The following TMEM267 variants were observed in gnomAD, a reference collection of about 807,000 sequenced individuals.
The protein encoded by TMEM267 is transmembrane protein 267, also known as transmembrane protein C5orf28.
TMEM267 carries 20 observed loss-of-function variants against 19.3 expected under a neutral mutation model. The observed-to-expected ratio is 1.04, with a 90% confidence interval of 0.73 to 1.51. The LOEUF (loss-of-function observed/expected upper bound fraction) is 1.51, where lower values mean the gene tolerates loss of function less well. Among genes scored for constraint, TMEM267 ranks in the 40% most tolerant of loss-of-function variants. TMEM267 has a pLI of 0.00. For missense variants in TMEM267, 242 were observed against 261.9 expected (o/e 0.92, Z 0.52); for synonymous variants, 88 against 90.3 (o/e 0.97, Z 0.15).
Position 43,453,866 on chromosome 5 carries a change from C to T in TMEM267, c.104G>A (p.Arg35Lys), listed in dbSNP as rs764652340. 6.2e-7 allele frequency: 1 copy of T among 1,613,938 alleles called. No individual in the cohort carries two copies. Among genetic ancestry groups the T allele is most frequent in the Non-Finnish European group, 8.5e-7 (1 of 1,179,994 alleles). ...GLGAFCLVADRLLQFSTIQQN... is the reference protein window; with the variant it reads ...GLGAFCLVADKLLQFSTIQQN... The stretch of plus-strand genomic sequence containing the variant: ...CTGAATTGTGGAAAACTGAAGAAGT[C>T]TGTCAGCTACGAGGCAAAATGCCCC... The change falls in exon 2 of 3, where the codon AGA becomes AAA. Residue 35 changes from arginine to lysine, a missense_variant. Arg to Lys is a conservative substitution (Grantham distance 26). Coordinates refer to ENST00000397080, the MANE Select transcript of TMEM267 (RefSeq NM_022483.5).
chr5:43,457,389 T>A (rs1003662507), intron 1 of TMEM267, among the ~76,000 whole-genome samples: 1 of 152,168 alleles, frequency 6.6e-6, no homozygotes, highest in Admixed American at 6.5e-5. Context: ...AACTGGGTAA[T>A]TTACAATGAA....
intron 1 of TMEM267, among the ~76,000 whole-genome samples, chr5:43,463,852 G>A (rs935328571): frequency 7.9e-5 from 12 of 152,058 alleles, no homozygotes; most frequent in South Asian, 2.1e-4. Context: ...AATATCATAC[G>A]GAATGGGCAA....
chr5:43,461,830 T>C (rs1743283433), intron 1 of TMEM267, among the ~76,000 whole-genome samples: 1 of 152,122 alleles, frequency 6.6e-6, no homozygotes, highest in Admixed American at 6.5e-5. Context: ...TCCCAGATGG[T>C]ACCTCTAGAC....
chr5:43,458,665 A>C (rs1167423825), intron 1 of TMEM267, among the ~76,000 whole-genome samples: 5 of 152,346 alleles, frequency 3.3e-5, no homozygotes, highest in Non-Finnish European at 7.3e-5. Flanking sequence ...ATATACAGTT[A>C]ATTACATGTC....
chr5:43,453,633 GA>G, intron 2 of TMEM267, 24 bp downstream of exon 2: 1 of 1,591,136 alleles, frequency 6.3e-7, no homozygotes, highest in Non-Finnish European at 8.5e-7. Flanking sequence ...TTAAAGATCA[GA>G]AAAATTAAGC....
chr5:43,479,614 AAC>A (rs10612007), intron 1 of TMEM267, among the ~76,000 whole-genome samples: 73,342 of 151,662 alleles, frequency 0.48, 18,704 homozygotes, highest in Middle Eastern at 0.63. Flanking sequence ...TGTATAACAT[AAC>A]AATTTGTTCA....
intron 1 of TMEM267, among the ~76,000 whole-genome samples, chr5:43,466,889 C>T (rs544541857): frequency 2.8e-4 from 42 of 152,022 alleles, no homozygotes; most frequent in Non-Finnish European, 5.3e-4. Flanking sequence ...TGGCTCATAC[C>T]TGTAATTTCA....
intron 1 of TMEM267, chr5:43,479,803 A>T: frequency 2.5e-6 from 1 of 397,122 alleles, no homozygotes; most frequent in Non-Finnish European, 4.8e-6. Flanking sequence ...ATTATTTTCT[A>T]TAGATTCTTC....
intron 1 of TMEM267, among the ~76,000 whole-genome samples, chr5:43,479,097 T>C (rs1325386520): frequency 6.6e-6 from 1 of 152,070 alleles, no homozygotes; most frequent in South Asian, 2.1e-4. Flanking sequence ...AAATAATGTA[T>C]ATGTCTGAAA....
At chr5:43,477,110 G>A (rs943672885) in intron 1 of TMEM267, among the ~76,000 whole-genome samples, 5 of 151,670 alleles carry the variant, frequency 3.3e-5, no homozygotes, top group African/African-American at 1.2e-4. Flanking sequence ...GATCACATGC[G>A]TCTAGGATTT....
At chr5:43,479,667 T>G (rs1431524746) in intron 1 of TMEM267, among the ~76,000 whole-genome samples, 1 of 152,090 alleles carries the variant, frequency 6.6e-6, no homozygotes, top group Admixed American at 6.6e-5. Flanking sequence ...CTTATGCAGA[T>G]TCCTTATGTG....
At chr5:43,479,682 G>A (rs184436062) in intron 1 of TMEM267, among the ~76,000 whole-genome samples, 64 of 152,116 alleles carry the variant, frequency 4.2e-4, no homozygotes, top group East Asian at 3.3e-3. Flanking sequence ...TATGTGAAGC[G>A]TACTTACTTT....
chr5:43,463,960 T>A (rs1045964051), intron 1 of TMEM267, among the ~76,000 whole-genome samples: 2 of 152,124 alleles, frequency 1.3e-5, no homozygotes, highest in Non-Finnish European at 2.9e-5. Flanking sequence ...GCCAGAGCAA[T>A]TAGGCAGGAG....
chr5:43,475,249 A>C (rs1323379845), intron 1 of TMEM267, among the ~76,000 whole-genome samples: 2 of 152,046 alleles, frequency 1.3e-5, no homozygotes, highest in Non-Finnish European at 2.9e-5. Flanking sequence ...GGAAACCATC[A>C]TTCTCAGCAA....
chr5:43,464,832 A>G (rs1327313406), intron 1 of TMEM267, among the ~76,000 whole-genome samples: 1 of 152,260 alleles, frequency 6.6e-6, no homozygotes, highest in Non-Finnish European at 1.5e-5. Context: ...CTTAAGTGTT[A>G]GACCAAAAAC....
intron 1 of TMEM267, among the ~76,000 whole-genome samples, chr5:43,476,463 T>C (rs1579830955): frequency 6.7e-6 from 1 of 149,578 alleles, no homozygotes; most frequent in East Asian, 2.0e-4. Flanking sequence ...GCTCACAAAG[T>C]AGTTCTGCTT....
At chr5:43,461,615 C>A (rs114953304) in intron 1 of TMEM267, among the ~76,000 whole-genome samples, 1,846 of 152,200 alleles carry the variant, frequency 0.012, 38 homozygotes, top group African/African-American at 0.043. Context: ...ACTTAAGAGA[C>A]CTTGTGCCTT....
In TMEM267 at chr5:43,448,725, G is replaced by A. The variant is rs149344711; in HGVS notation, c.313-2168C>T. ...TGGGAGGTGGAGGTTGAGGTGAGCTGAGATCATACCGTTGCACTCCAGCCT... is the reference window on the plus strand; with the variant it reads ...TGGGAGGTGGAGGTTGAGGTGAGCTAAGATCATACCGTTGCACTCCAGCCT... On this transcript the variant is annotated intron_variant, in intron 2 of 2. Transcript: ENST00000397080. 9.1e-3 allele frequency among the ~76,000 whole-genome samples: 1,390 copies of A among 151,930 alleles called. 33 individuals carry two copies. Among genetic ancestry groups the A allele is most frequent in the African/African-American group, 0.031 (1,266 of 41,444 alleles).
At chr5:43,453,415 C>T (rs1330530736) in intron 2 of TMEM267, among the ~76,000 whole-genome samples, 1 of 152,200 alleles carries the variant, frequency 6.6e-6, no homozygotes, top group African/African-American at 2.4e-5. Flanking sequence ...GCACTGAACT[C>T]TTTAGGTACA....
Sources: allele counts gnomAD v4.1 joint callset (sites outside exome capture counted in the v4.1 genomes callset), GRCh38; gene constraint gnomAD v4.1.1; transcripts MANE v1.5; gene names NCBI Gene and HGNC (gene_info 2026-07-23, HGNC 2026-07-21).